The following TTLL11 variants were observed in gnomAD, a reference collection of about 807,000 sequenced individuals.
TTLL11 encodes the protein tubulin polyglutamylase TTLL11.
Under a neutral mutation model 51.7 loss-of-function variants are expected in TTLL11, and 42 were observed. The observed-to-expected ratio is 0.81, with a 90% CI of 0.64 to 1.05. TTLL11 has a LOEUF of 1.05. Ranked by LOEUF, TTLL11 falls within the 50% of genes least tolerant of loss-of-function variation. The pLI, the probability that TTLL11 is intolerant of heterozygous loss-of-function variation, is 0.00. For synonymous variants in TTLL11, 381 were observed against 383.5 expected, an observed-to-expected ratio of 0.99 and a Z score of 0.08; for missense variants, 799 against 940.4, an observed-to-expected ratio of 0.85 and a Z score of 1.97.
intron 6 of TTLL11, among the ~76,000 whole-genome samples, chr9:121,945,384 C>A (rs540532514): frequency 1.3e-5 from 2 of 152,170 alleles, no homozygotes; most frequent in African/African-American, 2.4e-5. Context: ...ATGCAAATGG[C>A]AAGGGCAGGA....
At chr9:122,019,471 C>A (rs1187547112) in intron 3 of TTLL11, among the ~76,000 whole-genome samples, 1 of 152,114 alleles carries the variant, frequency 6.6e-6, no homozygotes, top group Non-Finnish European at 1.5e-5. Context: ...TTTTTTGAGA[C>A]AAGGTTTCAC....
At chr9:121,899,349 G>A (rs1839659174) in intron 6 of TTLL11, among the ~76,000 whole-genome samples, 2 of 96,908 alleles carry the variant, frequency 2.1e-5, no homozygotes, top group Admixed American at 1.3e-4. Context: ...CTCTGTGTGT[G>A]TGTGTATGTG....
chr9:122,058,796 A>C (rs1179440248), intron 1 of TTLL11, among the ~76,000 whole-genome samples: 1 of 152,208 alleles, frequency 6.6e-6, no homozygotes, highest in Non-Finnish European at 1.5e-5. Flanking sequence ...TCCTCTACTA[A>C]GTATTTAAGC....
At chr9:122,046,382 T>C (rs1845003226) in intron 1 of TTLL11, among the ~76,000 whole-genome samples, 1 of 152,152 alleles carries the variant, frequency 6.6e-6, no homozygotes, top group Non-Finnish European at 1.5e-5. Context: ...AGAGCCATTC[T>C]TCCTGTACAG....
intron 8 of TTLL11, among the ~76,000 whole-genome samples, chr9:121,835,825 C>T (rs1223761496): frequency 6.6e-6 from 1 of 152,172 alleles, no homozygotes; most frequent in East Asian, 1.9e-4. Flanking sequence ...GGCCACAGTT[C>T]TAGTCACTGC....
At chr9:121,892,865 T>C (rs1320275707) in intron 6 of TTLL11, among the ~76,000 whole-genome samples, 1 of 152,200 alleles carries the variant, frequency 6.6e-6, no homozygotes. Context: ...GTGGGAGCAG[T>C]GTCAGGTCTG....
At chr9:121,945,163 A>C (rs1841618338) in intron 6 of TTLL11, among the ~76,000 whole-genome samples, 1 of 152,190 alleles carries the variant, frequency 6.6e-6, no homozygotes, top group South Asian at 2.1e-4. Flanking sequence ...TGCAAGGGAC[A>C]GTTGCTGGCT....
chr9:122,062,508 G>A (rs1295890368), intron 1 of TTLL11, among the ~76,000 whole-genome samples: 3 of 114,968 alleles, frequency 2.6e-5, no homozygotes, highest in South Asian at 2.7e-4. Context: ...TTGCTCTGTC[G>A]CCCAGGCTGG....
chr9:121,942,877 C>T (rs1456855005), intron 6 of TTLL11, among the ~76,000 whole-genome samples: 1 of 151,748 alleles, frequency 6.6e-6, no homozygotes, highest in Non-Finnish European at 1.5e-5. Context: ...AACAACCAAG[C>T]TCCAACATCC....
At position 121,818,426 on chromosome 9, in the gene TTLL11, C is replaced by T. The variant is rs905813419; in HGVS notation, c.*4161G>A. The T allele has an allele frequency of 6.6e-6, 1 of 150,816 alleles. No individual in the cohort carries two copies. The highest frequency in any genetic ancestry group is 6.6e-5 in the Admixed American group (1 of 15,260). The allele number at this position is 150,816 out of a possible 1,614,324, so 9.3% of individuals were successfully genotyped here. A position where few individuals can be genotyped will look rare whatever the true frequency, so the allele number is the denominator to read the frequency against. ...GAGAGCAAGTGTGGTAACACTGTCT[C>T]CTCTCCCGGGTTCTGCTAAACGTTC... On this transcript the variant is annotated 3_prime_UTR_variant, in exon 9 of 9. Transcript: ENST00000321582.
intron 3 of TTLL11, among the ~76,000 whole-genome samples, chr9:121,990,471 G>T (rs1843080110): frequency 6.6e-6 from 1 of 152,222 alleles, no homozygotes; most frequent in South Asian, 2.1e-4. Context: ...AGAAGATGAA[G>T]TGACTTGCCA....
intron 6 of TTLL11, among the ~76,000 whole-genome samples, chr9:121,937,048 T>C (rs1371094424): frequency 6.6e-6 from 1 of 152,230 alleles, no homozygotes; most frequent in African/African-American, 2.4e-5. Context: ...TTCTTTCCCA[T>C]TGCATGATGT....
chr9:121,857,734 C>T (rs966151222), intron 8 of TTLL11, among the ~76,000 whole-genome samples: 1 of 152,090 alleles, frequency 6.6e-6, no homozygotes, highest in Admixed American at 6.5e-5. Context: ...CCTGGCAGAC[C>T]CCAGAAAACC....
chr9:121,845,242 G>C (rs1339522684), intron 8 of TTLL11, among the ~76,000 whole-genome samples: 2 of 152,120 alleles, frequency 1.3e-5, no homozygotes, highest in Non-Finnish European at 2.9e-5. Flanking sequence ...CAAGCAAGAA[G>C]AGAGTGGAGT....
chr9:122,026,350 A>G (rs1373363253), intron 3 of TTLL11, among the ~76,000 whole-genome samples: 2 of 151,170 alleles, frequency 1.3e-5, no homozygotes, highest in Non-Finnish European at 2.9e-5. Flanking sequence ...AGGCAGGAGA[A>G]TTGCTTGAAC....
rs562029926 is a variant in TTLL11 at position 121,819,794 on chromosome 9, C to T, written c.*2793G>A. Among the ~76,000 whole-genome samples, 3 of 152,150 alleles carry T rather than the reference C, an allele frequency of 2.0e-5. No homozygotes were observed. Among genetic ancestry groups the T allele is most frequent in the Admixed American group, 6.5e-5 (1 of 15,278 alleles). Reference sequence around the variant, plus strand: ...GGAAGGAACCATCTGCTTTTGCTATCGTTTCAATTACATCCAATAAAACGA... The same window carrying T: ...GGAAGGAACCATCTGCTTTTGCTATTGTTTCAATTACATCCAATAAAACGA... On this transcript the variant is annotated 3_prime_UTR_variant, in exon 9 of 9. Coordinates refer to ENST00000321582, the MANE Select transcript of TTLL11 (RefSeq NM_001139442.2).
chr9:122,036,388 C>T (rs569927119), intron 2 of TTLL11, among the ~76,000 whole-genome samples: 2 of 151,986 alleles, frequency 1.3e-5, no homozygotes, highest in South Asian at 4.2e-4. Flanking sequence ...TGAGAATGGA[C>T]AGTTTTGGAC....
At chr9:121,953,800 C>T (rs13296654) in intron 6 of TTLL11, among the ~76,000 whole-genome samples, 37,043 of 151,994 alleles carry the variant, frequency 0.24, 4,816 homozygotes, top group Middle Eastern at 0.3. Flanking sequence ...GTACAAAAAG[C>T]TCACAATCGA....
intron 6 of TTLL11, among the ~76,000 whole-genome samples, chr9:121,896,502 C>G (rs969599136): frequency 6.6e-6 from 1 of 152,246 alleles, no homozygotes; most frequent in Non-Finnish European, 1.5e-5. Flanking sequence ...TACCTCTTCC[C>G]TCTCATGTCT....
Sources: gnomAD v4.1 joint callset for allele counts (sites outside exome capture counted in the v4.1 genomes callset) on GRCh38, gnomAD v4.1.1 for gene constraint, MANE v1.5 for transcripts, NCBI Gene and HGNC (gene_info 2026-07-23, HGNC 2026-07-21) for gene names.